Variants in FAM135B observed in about 807,000 individuals in gnomAD.
FAM135B encodes family with sequence similarity 135 member B, also known as protein FAM135B.
Under a neutral mutation model 127.7 loss-of-function variants are expected in FAM135B, and 43 were observed. The observed-to-expected ratio is 0.34, with a 90% CI of 0.26 to 0.43. The LOEUF is 0.43. Among genes scored for constraint, FAM135B ranks in the 20% least tolerant of loss-of-function variants. The probability of loss-of-function intolerance (pLI) is 1.00; values close to 1 mark genes in which losing one functional copy is unlikely to be tolerated. For synonymous variants in FAM135B, 670 were observed against 665.1 expected (o/e 1.01, Z -0.11); for missense variants, 1,558 against 1,725.6 (o/e 0.90, Z 1.72).
At chr8:138,287,611 G>A (rs1420236809) in intron 3 of FAM135B, among the ~76,000 whole-genome samples, 4 of 152,172 alleles carry the variant, frequency 2.6e-5, no homozygotes. Flanking sequence ...AACAGTGGCA[G>A]GCTAGGACAT....
At chr8:138,230,380 G>A (rs539540428) in intron 7 of FAM135B, among the ~76,000 whole-genome samples, 1 of 152,182 alleles carries the variant, frequency 6.6e-6, no homozygotes, top group East Asian at 1.9e-4. Flanking sequence ...CCTAAGACCT[G>A]GACATATAAA....
intron 2 of FAM135B, among the ~76,000 whole-genome samples, chr8:138,342,237 C>G (rs1829100323): frequency 6.6e-6 from 1 of 152,184 alleles, no homozygotes; most frequent in Admixed American, 6.5e-5. Context: ...TGATTCAATT[C>G]TAGAGCACTC....
intron 1 of FAM135B, among the ~76,000 whole-genome samples, chr8:138,420,674 C>T (rs189180071): frequency 3.3e-5 from 5 of 151,990 alleles, no homozygotes; most frequent in Admixed American, 2.0e-4. Flanking sequence ...CCTAGGATGA[C>T]AAGTTGTTTC....
At chr8:138,294,703 A>G (rs1251317026) in intron 3 of FAM135B, among the ~76,000 whole-genome samples, 1 of 152,216 alleles carries the variant, frequency 6.6e-6, no homozygotes, top group Non-Finnish European at 1.5e-5. Flanking sequence ...TATCTCTGGG[A>G]TCTTAAATAA....
chr8:138,234,611 T>A (rs536214413), intron 7 of FAM135B, among the ~76,000 whole-genome samples: 1 of 152,338 alleles, frequency 6.6e-6, no homozygotes, highest in South Asian at 2.1e-4. Flanking sequence ...TTCTGGTAAC[T>A]TTGGTCCTTC....
At chr8:138,218,960 A>C (rs1563784230) in intron 7 of FAM135B, among the ~76,000 whole-genome samples, 1 of 152,248 alleles carries the variant, frequency 6.6e-6, no homozygotes, top group African/African-American at 2.4e-5. Context: ...TAAAATTCCA[A>C]CAATAAAATT....
chr8:138,433,840 C>T (rs912479267), intron 1 of FAM135B, among the ~76,000 whole-genome samples: 3 of 152,088 alleles, frequency 2.0e-5, no homozygotes, highest in African/African-American at 4.8e-5. Flanking sequence ...AGTTAAAACC[C>T]GTGGCAATAG....
At chr8:138,153,313 G>A in intron 12 of FAM135B, 97 bp from the exon 13 acceptor site, 1 of 1,058,842 alleles carries the variant, frequency 9.4e-7, no homozygotes, top group South Asian at 1.9e-5. Flanking sequence ...ATTTAGCTAT[G>A]TGGACTCGGT....
chr8:138,287,119 A>T (rs1824746622), intron 3 of FAM135B, among the ~76,000 whole-genome samples: 1 of 152,360 alleles, frequency 6.6e-6, no homozygotes, highest in Middle Eastern at 3.4e-3. Context: ...GACAAGCTAC[A>T]GACTACGGGA....
At chr8:138,272,916 C>A (rs1161619140) in intron 3 of FAM135B, among the ~76,000 whole-genome samples, 2 of 152,190 alleles carry the variant, frequency 1.3e-5, no homozygotes, top group African/African-American at 2.4e-5. Context: ...CACTGTATAC[C>A]TGTGAACAAA....
chr8:138,222,553 A>G (rs1265089414), intron 7 of FAM135B, among the ~76,000 whole-genome samples: 1 of 151,974 alleles, frequency 6.6e-6, no homozygotes, highest in East Asian at 1.9e-4. Context: ...TATAACTGTT[A>G]TTTTACTGAC....
chr8:138,473,781 G>A (rs189016429), intron 1 of FAM135B, among the ~76,000 whole-genome samples: 14 of 152,214 alleles, frequency 9.2e-5, no homozygotes, highest in Admixed American at 7.2e-4. Context: ...AGAATTGTTC[G>A]TGACTTATTG....
In FAM135B at chr8:138,130,644, G is replaced by A. The variant is rs1395317251; in HGVS notation, c.*1949C>T. 1 of 152,232 alleles carries A rather than the reference G, an allele frequency of 6.6e-6. No homozygotes were observed. Among genetic ancestry groups the A allele is most frequent in the African/African-American group, 2.4e-5 (1 of 41,438 alleles). The allele number at this position is 152,232 out of a possible 1,614,324, so 9.4% of individuals were successfully genotyped here. A position where few individuals can be genotyped will look rare whatever the true frequency, so the allele number is the denominator to read the frequency against. On this transcript the variant is annotated 3_prime_UTR_variant, in exon 20 of 20. Coordinates refer to ENST00000395297, the MANE Select transcript of FAM135B (RefSeq NM_015912.4). The stretch of plus-strand genomic sequence containing the variant: ...ATCAGAGGGACAGGGCCCATCATTT[G>A]GCCAGAAAGGAGAAGCTGCTACCAA...
intron 3 of FAM135B, among the ~76,000 whole-genome samples, chr8:138,277,904 A>G (rs16908761): frequency 0.11 from 17,306 of 152,140 alleles, 1,186 homozygotes; most frequent in East Asian, 0.27. Flanking sequence ...GGATAAGTAG[A>G]CACAAGATGC....
intron 1 of FAM135B, among the ~76,000 whole-genome samples, chr8:138,441,986 C>A (rs1348916210): frequency 1.3e-5 from 2 of 151,642 alleles, no homozygotes; most frequent in Non-Finnish European, 2.9e-5. Flanking sequence ...CACACACACA[C>A]CGAGTGATGC....
At chr8:138,283,748 T>C (rs1824458316) in intron 3 of FAM135B, among the ~76,000 whole-genome samples, 1 of 152,082 alleles carries the variant, frequency 6.6e-6, no homozygotes, top group Admixed American at 6.5e-5. Flanking sequence ...ACCACTAGCT[T>C]GTAATCAGTT....
Position 138,202,001 on chromosome 8 carries a change from T to C in FAM135B, c.670-4332A>G, listed in dbSNP as rs564855718. 5.9e-5 allele frequency among the ~76,000 whole-genome samples: 9 copies of C among 152,096 alleles called. No individual in the cohort carries two copies. The South Asian group carries it at 1.9e-3, about 32-fold the overall frequency. On this transcript the variant is annotated intron_variant, in intron 7 of 19. Transcript: ENST00000395297. ...TTAGTCAGGCGTGGTGGCACATGCC[T>C]GTAATCCCAGCTACTCAGGAGGCTG...
rs777391366 is a variant in FAM135B at position 138,242,623 on chromosome 8, C to T, written c.669+319G>A. On this transcript the variant is annotated intron_variant, in intron 7 of 19. Transcript: ENST00000395297. This position sits in a 1 kb window ranked among gnomAD's most constrained non-coding sequence, Gnocchi z 9.6. ...TTTTGAAACCAGACATGGCCTTCAA[C>T]GTTATCACATAGTCTGAGTGGCCCC... Among the ~76,000 whole-genome samples the T allele has an allele frequency of 1.8e-4, 27 of 152,262 alleles. No individual in the cohort carries two copies. Among genetic ancestry groups the T allele is most frequent in the African/African-American group, 2.9e-4 (12 of 41,562 alleles).
At chr8:138,206,099 TCCAGCATCACCTCCACCTACACACAGG>T (rs201874125) in intron 7 of FAM135B, among the ~76,000 whole-genome samples, 19,060 of 139,048 alleles carry the variant, frequency 0.14, 1,527 homozygotes, top group East Asian at 0.4. Flanking sequence ...TACCCAGGGC[TCCAGCATCACCTCCACCTACACACAGG>T]CCAGCAGCAC....
Sources: gnomAD v4.1 joint callset for allele counts (sites outside exome capture counted in the v4.1 genomes callset) on GRCh38, gnomAD v4.1.1 for gene constraint, Gnocchi (gnomAD v3.1) non-coding constraint, MANE v1.5 for transcripts, NCBI Gene and HGNC (gene_info 2026-07-23, HGNC 2026-07-21) for gene names.